SV2B: variants seen among roughly 807,000 people sequenced by gnomAD.
SV2B encodes synaptic vesicle glycoprotein 2B.
In SV2B, 41 loss-of-function variants were observed where a neutral mutation model predicts 73.9. That is an observed-to-expected ratio of 0.56 (90% CI 0.43 to 0.72). The LOEUF is 0.72. SV2B is among the 30% of genes least tolerant of loss of function. SV2B has a pLI of 0.00. For synonymous variants in SV2B, 314 were observed against 314.2 expected, an observed-to-expected ratio of 1.00 and a Z score of 0.01; for missense variants, 764 against 857.8, an observed-to-expected ratio of 0.89 and a Z score of 1.37.
At chr15:91,221,695 A>ACGCGCGCGCACGCGCGCGCG (rs937088399) in intron 1 of SV2B, among the ~76,000 whole-genome samples, 2 of 132,432 alleles carry the variant, frequency 1.5e-5, no homozygotes, top group South Asian at 2.4e-4. Flanking sequence ...GCATGTGCGC[A>ACGCGCGCGCACGCGCGCGCG]CACACACACA....
chr15:91,282,700 C>T (rs2048721720), intron 10 of SV2B, among the ~76,000 whole-genome samples: 1 of 152,224 alleles, frequency 6.6e-6, no homozygotes, highest in South Asian at 2.1e-4. Context: ...GAACTACTTG[C>T]ATTATGTCCA....
In SV2B at chr15:91,241,335, C is replaced by T. The variant is rs940944673; in HGVS notation, c.452-10484C>T. 6.6e-6 allele frequency among the ~76,000 whole-genome samples: 1 copy of T among 152,150 alleles called. No homozygotes were observed. Among genetic ancestry groups the T allele is most frequent in the African/African-American group, 2.4e-5 (1 of 41,424 alleles). ...CACCCCTGGTTGCATCCGACTTTTC[C>T]TCCATCTGTCCCTAAACCCCGTTGC... On this transcript the variant is annotated intron_variant, in intron 2 of 12. Transcript: ENST00000394232. This position sits in a 1 kb window ranked among gnomAD's most constrained non-coding sequence, Gnocchi z 4.8.
chr15:91,154,573 G>A (rs906464585), intron 1 of SV2B, among the ~76,000 whole-genome samples: 3 of 152,142 alleles, frequency 2.0e-5, no homozygotes, highest in African/African-American at 7.2e-5. Flanking sequence ...ATTTAGATAC[G>A]GGGTTTTTGC....
chr15:91,180,895 T>C (rs1450016007), intron 1 of SV2B, among the ~76,000 whole-genome samples: 1 of 152,262 alleles, frequency 6.6e-6, no homozygotes, highest in Non-Finnish European at 1.5e-5. Flanking sequence ...TCTCAACTCG[T>C]CAAAGTCTTT....
At position 91,181,388 on chromosome 15, in the gene SV2B, C is replaced by G. The variant is rs578252891; in HGVS notation, c.-391-44485C>G. On this transcript the variant is annotated intron_variant, in intron 1 of 12. Coordinates refer to ENST00000394232, the MANE Select transcript of SV2B (RefSeq NM_001323032.3). Reference sequence around the variant, plus strand: ...AGGCAGTCTGCCCATTCTCAGATCTCCAGCTGCGTGCTGGGAGAAACACTG... The same window carrying G: ...AGGCAGTCTGCCCATTCTCAGATCTGCAGCTGCGTGCTGGGAGAAACACTG... Among the ~76,000 whole-genome samples, 8 of 152,190 alleles carry G rather than the reference C, an allele frequency of 5.3e-5. No homozygotes were observed. In the East Asian group the frequency reaches 1.6e-3, roughly 30 times the overall value.
At chr15:91,167,965 G>A (rs1596509409) in intron 1 of SV2B, among the ~76,000 whole-genome samples, 1 of 152,172 alleles carries the variant, frequency 6.6e-6, no homozygotes, top group Non-Finnish European at 1.5e-5. Context: ...AATTTTCACG[G>A]CCTTTGTGGT....
chr15:91,202,677 C>T (rs753835980), intron 1 of SV2B, among the ~76,000 whole-genome samples: 3 of 152,134 alleles, frequency 2.0e-5, no homozygotes, highest in Non-Finnish European at 4.4e-5. Context: ...GGGATCAACA[C>T]CTGTGTGTGG....
chr15:91,154,482 G>A (rs115176896), intron 1 of SV2B, among the ~76,000 whole-genome samples: 1,788 of 152,258 alleles, frequency 0.012, 32 homozygotes, highest in African/African-American at 0.041. Context: ...GCAGAAGCCT[G>A]GACCCCACTT....
intron 1 of SV2B, among the ~76,000 whole-genome samples, chr15:91,152,428 T>C (rs2043342675): frequency 6.6e-6 from 1 of 152,188 alleles, no homozygotes; most frequent in African/African-American, 2.4e-5. Flanking sequence ...TTTGAGTCTC[T>C]TGGGCTTCAC....
rs1332325391 is a variant in SV2B, at chr15:91,290,823, C to G, written c.1868+1143C>G. Among the ~76,000 whole-genome samples, 24 of 151,892 alleles carry G rather than the reference C, an allele frequency of 1.6e-4. No homozygotes were observed. Among genetic ancestry groups the G allele is most frequent in the Admixed American group, 1.5e-3 (23 of 15,250 alleles). On this transcript the variant is annotated intron_variant, in intron 12 of 12. Coordinates refer to ENST00000394232, the MANE Select transcript of SV2B (RefSeq NM_001323032.3). This position sits in a 1 kb window ranked among gnomAD's most constrained non-coding sequence, Gnocchi z 4.7. ...GGCTGGAGTTCAAGATCAGCCTGGG[C>G]AATACAGTGAGACCCCTATCTCTAC...
At chr15:91,276,064 GT>G (rs35560168) in intron 9 of SV2B, among the ~76,000 whole-genome samples, 13,086 of 140,010 alleles carry the variant, frequency 0.093, 595 homozygotes, top group East Asian at 0.13. Context: ...TGGGTGGACA[GT>G]TTTTTTTTTT....
At chr15:91,191,063 C>CTTTTTTTTTTTTTTTTTTGTTTTTTT (rs2044998622) in intron 1 of SV2B, among the ~76,000 whole-genome samples, 1 of 64,238 alleles carries the variant, frequency 1.6e-5, no homozygotes, top group Non-Finnish European at 3.1e-5. Flanking sequence ...TTTGGTGTTT[C>CTTTTTTTTTTTTTTTTTTGTTTTTTT]TTTTTTTTTT....
At chr15:91,263,183 GAC>G (rs879748222) in intron 6 of SV2B, among the ~76,000 whole-genome samples, 1 of 144,874 alleles carries the variant, frequency 6.9e-6, no homozygotes, top group Non-Finnish European at 1.5e-5. Flanking sequence ...CAGACACAGA[GAC>G]ACACAGACAC....
intron 1 of SV2B, among the ~76,000 whole-genome samples, chr15:91,158,481 A>C (rs1301461984): frequency 1.3e-5 from 2 of 151,760 alleles, no homozygotes; most frequent in African/African-American, 4.8e-5. Context: ...CAATCCAGGA[A>C]GCGGAGTGAC....
Position 91,141,451 on chromosome 15 carries a change from A to G in SV2B, c.-392+41088A>G, listed in dbSNP as rs2042993536. ...AGGTGATAAGTGAGTTCATTGAGGT[A>G]TCCTGGTCAAGGGTGGAGAGAGGTT... is the stretch of plus-strand genomic sequence containing the variant. On this transcript the variant is annotated intron_variant, in intron 1 of 12. Transcript: ENST00000394232. This position sits in a 1 kb window ranked among gnomAD's most constrained non-coding sequence, Gnocchi z 4.6. Among the ~76,000 whole-genome samples the G allele has an allele frequency of 6.6e-6, 1 of 152,146 alleles. No homozygotes were observed. The highest frequency in any genetic ancestry group is 2.1e-4 in the South Asian group (1 of 4,822).
chr15:91,260,461 T>C (rs1323416273), intron 6 of SV2B, 52 bp downstream of exon 6: 1 of 1,422,024 alleles, frequency 7.0e-7, no homozygotes, highest in East Asian at 2.3e-5. Context: ...CTTCACTGCT[T>C]TGATTTACTA....
chr15:91,179,356 A>C (rs192826542), intron 1 of SV2B, among the ~76,000 whole-genome samples: 1 of 152,080 alleles, frequency 6.6e-6, no homozygotes, highest in Non-Finnish European at 1.5e-5. Context: ...GTGCTGAAAA[A>C]AATATATATT....
rs376171190 is a variant in SV2B at position 91,216,942 on chromosome 15, C to G, written c.-391-8931C>G. ...TTGCTCTGTTGCCCAGGCTGGAATA[C>G]AGTGGCACGATCTCAGCTCACTGCA... is the stretch of plus-strand genomic sequence containing the variant. On this transcript the variant is annotated intron_variant, in intron 1 of 12. Transcript: ENST00000394232. Among the ~76,000 whole-genome samples, 77 of 140,538 alleles carry G rather than the reference C, an allele frequency of 5.5e-4. 4 individuals carry two copies. In the East Asian group the frequency reaches 0.014, roughly 25 times the overall value. 92.2% of individuals were successfully genotyped at this position (140,538 alleles called of 152,430 possible). A position where few individuals can be genotyped will look rare whatever the true frequency, so the allele number is the denominator to read the frequency against.
At chr15:91,237,474 C>A (rs1214469819) in intron 2 of SV2B, among the ~76,000 whole-genome samples, 1 of 152,204 alleles carries the variant, frequency 6.6e-6, no homozygotes, top group East Asian at 1.9e-4. Flanking sequence ...CCTAACTGCC[C>A]AATAGAATCA....
Sources: allele counts gnomAD v4.1 joint callset (sites outside exome capture counted in the v4.1 genomes callset), GRCh38; gene constraint gnomAD v4.1.1; non-coding constraint Gnocchi (gnomAD v3.1); transcripts MANE v1.5; gene names NCBI Gene and HGNC (gene_info 2026-07-23, HGNC 2026-07-21).